GRIK1: variants seen among roughly 807,000 people sequenced by gnomAD.
GRIK1 encodes glutamate receptor ionotropic, kainate 1.
Under a neutral mutation model 105.7 loss-of-function variants are expected in GRIK1, and 69 were observed. That is an observed-to-expected ratio of 0.65 (90% CI 0.54 to 0.80). The LOEUF (loss-of-function observed/expected upper bound fraction) is 0.80. Among genes scored for constraint, GRIK1 ranks in the 30% least tolerant of loss-of-function variants. GRIK1 has a pLI of 0.00. For missense variants in GRIK1, 1,109 were observed against 1,167.3 expected, an observed-to-expected ratio of 0.95 and a Z score of 0.73; for synonymous variants, 438 against 431.3, an observed-to-expected ratio of 1.02 and a Z score of -0.19.
chr21:29,751,736 C>A (rs2065207357), intron 1 of GRIK1, among the ~76,000 whole-genome samples: 1 of 152,166 alleles, frequency 6.6e-6, no homozygotes, highest in Admixed American at 6.5e-5. Flanking sequence ...CTGCATATGT[C>A]CTGGTGGGTA....
chr21:29,582,199 A>G (rs1351778780), intron 12 of GRIK1: 2 of 346,154 alleles, frequency 5.8e-6, no homozygotes, highest in Non-Finnish European at 1.2e-5. Flanking sequence ...ATACATTTGG[A>G]ATTATACTGG....
At chr21:29,760,609 T>C (rs1569060169) in intron 1 of GRIK1, 1 of 152,252 alleles carries the variant, frequency 6.6e-6, no homozygotes, top group East Asian at 1.9e-4. Flanking sequence ...CACCGTGGTA[T>C]GCGAAGATGC....
intron 1 of GRIK1, among the ~76,000 whole-genome samples, chr21:29,901,591 C>G (rs940742048): frequency 7.2e-5 from 11 of 152,010 alleles, no homozygotes; most frequent in Admixed American, 7.2e-4. Flanking sequence ...CAAGACTAAA[C>G]CAGGAAGAAG....
chr21:29,689,314 C>T (rs1198550992), intron 3 of GRIK1, among the ~76,000 whole-genome samples: 1 of 152,100 alleles, frequency 6.6e-6, no homozygotes, highest in Non-Finnish European at 1.5e-5. Context: ...ATGAATTCCT[C>T]TTTGTTAACT....
At chr21:29,843,787 T>C (rs1422408397) in intron 1 of GRIK1, among the ~76,000 whole-genome samples, 2 of 152,142 alleles carry the variant, frequency 1.3e-5, no homozygotes, top group East Asian at 1.9e-4. Context: ...CTGAGGGAGA[T>C]AATTTGGAAC....
At chr21:29,656,808 C>T (rs922071472) in intron 4 of GRIK1, among the ~76,000 whole-genome samples, 1 of 152,160 alleles carries the variant, frequency 6.6e-6, no homozygotes, top group African/African-American at 2.4e-5. Context: ...AACACCAGTC[C>T]TACACTTCTC....
At chr21:29,597,943 C>T (rs920643788) in intron 8 of GRIK1, among the ~76,000 whole-genome samples, 18 of 152,266 alleles carry the variant, frequency 1.2e-4, no homozygotes, top group African/African-American at 4.1e-4. Flanking sequence ...TCTAATTAAT[C>T]AAGCAATCGA....
At chr21:29,746,664 T>C (rs931704258) in intron 1 of GRIK1, among the ~76,000 whole-genome samples, 1 of 152,228 alleles carries the variant, frequency 6.6e-6, no homozygotes, top group African/African-American at 2.4e-5. Context: ...TGAAAGGACT[T>C]GGCTGATCTG....
At chr21:29,686,210 A>G (rs1012834025) in intron 3 of GRIK1, among the ~76,000 whole-genome samples, 1 of 152,204 alleles carries the variant, frequency 6.6e-6, no homozygotes, top group Non-Finnish European at 1.5e-5. Context: ...CAAATTTGCT[A>G]TGATTTTCTC....
chr21:29,934,309 C>T (rs964304556), intron 1 of GRIK1, among the ~76,000 whole-genome samples: 1 of 152,138 alleles, frequency 6.6e-6, no homozygotes, highest in African/African-American at 2.4e-5. Context: ...CCTGGATAAC[C>T]AAGAGCAAGA....
intron 1 of GRIK1, among the ~76,000 whole-genome samples, chr21:29,785,828 TGA>T (rs1415130865): frequency 6.6e-6 from 1 of 152,168 alleles, no homozygotes; most frequent in Non-Finnish European, 1.5e-5. Flanking sequence ...TTTATCCCTC[TGA>T]GAGATTGGAG....
intron 1 of GRIK1, among the ~76,000 whole-genome samples, chr21:29,819,778 G>C (rs1235900384): frequency 1.3e-5 from 2 of 152,016 alleles, no homozygotes; most frequent in Non-Finnish European, 2.9e-5. Flanking sequence ...TCAGATTTTA[G>C]AATAGAGCAA....
At chr21:29,615,526 C>G (rs1395294239) in intron 7 of GRIK1, among the ~76,000 whole-genome samples, 1 of 152,098 alleles carries the variant, frequency 6.6e-6, no homozygotes. Flanking sequence ...CCAGGCTGGT[C>G]TTGAACTCCT....
In GRIK1 at chr21:29,882,544, T is replaced by C. The variant is rs568608224; in HGVS notation, c.118+56839A>G. Reference sequence around the variant, plus strand: ...GCTCTCACAATGACACTCCAATGTGTGGTTTGACGCCTGGAAGAAGCAGCT... The same window carrying C: ...GCTCTCACAATGACACTCCAATGTGCGGTTTGACGCCTGGAAGAAGCAGCT... On this transcript the variant is annotated intron_variant, in intron 1 of 17. Transcript: ENST00000327783. Among the ~76,000 whole-genome samples the C allele has an allele frequency of 6.4e-4, 98 of 152,178 alleles. 2 individuals carry two copies. The South Asian group carries it at 0.019, about 30-fold the overall frequency.
chr21:29,780,805 C>T (rs1250293002), intron 1 of GRIK1, among the ~76,000 whole-genome samples: 1 of 152,178 alleles, frequency 6.6e-6, no homozygotes, highest in African/African-American at 2.4e-5. Context: ...ATCACTATTG[C>T]TTCTGCCACA....
At chr21:29,696,178 C>T (rs1020807023) in intron 1 of GRIK1, among the ~76,000 whole-genome samples, 10 of 152,132 alleles carry the variant, frequency 6.6e-5, no homozygotes, top group Non-Finnish European at 1.0e-4. Flanking sequence ...GGAAATATTT[C>T]GGGCTTTTGT....
At chr21:29,828,570 T>C (rs948592910) in intron 1 of GRIK1, among the ~76,000 whole-genome samples, 6 of 152,034 alleles carry the variant, frequency 3.9e-5, no homozygotes, top group African/African-American at 1.4e-4. Context: ...GGCAGGATCT[T>C]GGTTTATTGC....
intron 1 of GRIK1, chr21:29,758,807 C>G (rs961980394): frequency 9.8e-5 from 15 of 152,724 alleles, no homozygotes; most frequent in African/African-American, 3.1e-4. Flanking sequence ...AATGGACCCT[C>G]TTCTAGTCCA....
At chr21:29,758,938 C>T (rs1421412524) in intron 1 of GRIK1, 1 of 153,254 alleles carries the variant, frequency 6.5e-6, no homozygotes. Flanking sequence ...GGACACAGAA[C>T]AAAACAAAGC....
Sources: gnomAD v4.1 joint callset for allele counts (sites outside exome capture counted in the v4.1 genomes callset) on GRCh38, gnomAD v4.1.1 for gene constraint, MANE v1.5 for transcripts, NCBI Gene and HGNC (gene_info 2026-07-23, HGNC 2026-07-21) for gene names.